Variants in PCDH15 observed in about 807,000 individuals in gnomAD.
The protein encoded by PCDH15 is protocadherin-15.
Under a neutral mutation model 178.5 loss-of-function variants are expected in PCDH15, and 129 were observed. The ratio of observed to expected loss-of-function variants is 0.72; its 90% CI spans 0.63 to 0.84. The LOEUF (loss-of-function observed/expected upper bound fraction) is 0.84. Among genes scored for constraint, PCDH15 ranks in the 40% least tolerant of loss-of-function variants. The pLI, the probability that PCDH15 is intolerant of heterozygous loss-of-function variation, is 0.00. For synonymous variants in PCDH15, 800 were observed against 732.0 expected (o/e 1.09, Z -1.50); for missense variants, 2,230 against 2,099.9 (o/e 1.06, Z -1.21).
intron 1 of PCDH15, among the ~76,000 whole-genome samples, chr10:54,749,450 CA>C (rs1945903567): frequency 1.3e-5 from 2 of 152,208 alleles, no homozygotes; most frequent in East Asian, 1.9e-4. Flanking sequence ...GTAGAAGCCA[CA>C]AGAAGATAAT....
intron 1 of PCDH15, among the ~76,000 whole-genome samples, chr10:55,210,618 C>CTTTTTTT (rs11412877): frequency 0.027 from 1,080 of 40,356 alleles, 111 homozygotes; most frequent in Non-Finnish European, 0.034. Flanking sequence ...TTTTTCTTTT[C>CTTTTTTT]TTTTTTTTTT....
At chr10:55,194,715 A>G (rs571260439) in intron 1 of PCDH15, among the ~76,000 whole-genome samples, 1 of 152,222 alleles carries the variant, frequency 6.6e-6, no homozygotes, top group South Asian at 2.1e-4. Flanking sequence ...CTAGACATAT[A>G]CCAAATAACT....
intron 3 of PCDH15, among the ~76,000 whole-genome samples, chr10:54,514,992 G>A (rs2082065856): frequency 6.6e-6 from 1 of 152,198 alleles, no homozygotes; most frequent in Non-Finnish European, 1.5e-5. Context: ...TCACTTGGGG[G>A]ATGGAGCCAA....
chr10:54,162,487 T>A lies in PCDH15; in HGVS notation c.1591-9194A>T, dbSNP rs139016622. On this transcript the variant is annotated intron_variant, in intron 13 of 37. Transcript: ENST00000644397. ...TAGAAGAGAAGGTGAAATTGTGGAATATAGAATGGAGAGCACACAAACAAA... is the reference window on the plus strand; with the variant it reads ...TAGAAGAGAAGGTGAAATTGTGGAAAATAGAATGGAGAGCACACAAACAAA... Among the ~76,000 whole-genome samples the A allele has an allele frequency of 2.3e-3, 357 of 152,294 alleles. 1 individual carries two copies. Among genetic ancestry groups the A allele is most frequent in the African/African-American group, 8.2e-3 (342 of 41,574 alleles).
chr10:55,590,868 AG>A (rs1454215315), intron 2 of PCDH15, among the ~76,000 whole-genome samples: 6 of 152,166 alleles, frequency 3.9e-5, no homozygotes, highest in Non-Finnish European at 8.8e-5. Context: ...TGTTATACAT[AG>A]AAGTAAGCAA....
chr10:55,111,582 G>T (rs192109992), intron 2 of PCDH15, among the ~76,000 whole-genome samples: 5 of 151,998 alleles, frequency 3.3e-5, no homozygotes, highest in Admixed American at 1.3e-4. Context: ...AGTGGCTCAC[G>T]CCTGTAATCC....
At chr10:54,143,726 G>A (rs1816915351) in intron 14 of PCDH15, among the ~76,000 whole-genome samples, 1 of 151,976 alleles carries the variant, frequency 6.6e-6, no homozygotes, top group African/African-American at 2.4e-5. Flanking sequence ...CTACTTATAA[G>A]CTTTAAGTTA....
At chr10:54,326,146 T>G (rs924281075) in intron 7 of PCDH15, among the ~76,000 whole-genome samples, 1 of 152,086 alleles carries the variant, frequency 6.6e-6, no homozygotes, top group South Asian at 2.1e-4. Context: ...AAATGTGAGA[T>G]CACTGAACTC....
At chr10:54,936,083 C>G (rs960357162) in intron 2 of PCDH15, among the ~76,000 whole-genome samples, 3 of 152,010 alleles carry the variant, frequency 2.0e-5, no homozygotes, top group Admixed American at 1.3e-4. Flanking sequence ...CACAGATTGA[C>G]TTTGGGTCTC....
At chr10:54,356,589 C>T (rs1360277786) in intron 5 of PCDH15, among the ~76,000 whole-genome samples, 2 of 151,208 alleles carry the variant, frequency 1.3e-5, no homozygotes, top group Non-Finnish European at 2.9e-5. Context: ...ATTTATCATA[C>T]ACACAAAAAT....
At chr10:54,773,749 G>T (rs1418395398) in intron 1 of PCDH15, among the ~76,000 whole-genome samples, 2 of 151,916 alleles carry the variant, frequency 1.3e-5, no homozygotes, top group Admixed American at 6.6e-5. Context: ...TTTTAAAAGA[G>T]TTCTTATTGA....
intron 2 of PCDH15, among the ~76,000 whole-genome samples, chr10:55,042,066 C>T (rs1173665167): frequency 6.6e-6 from 1 of 152,092 alleles, no homozygotes; most frequent in African/African-American, 2.4e-5. Flanking sequence ...AGAGTTAGCA[C>T]AGCCAGTGTG....
chr10:53,970,953 T>C (rs2089620524), intron 21 of PCDH15, among the ~76,000 whole-genome samples: 2 of 152,112 alleles, frequency 1.3e-5, no homozygotes, highest in African/African-American at 2.4e-5. Flanking sequence ...GTCAGCATCA[T>C]CCTGATACTA....
intron 8 of PCDH15, among the ~76,000 whole-genome samples, chr10:54,296,815 C>G (rs1383498695): frequency 6.6e-6 from 1 of 152,158 alleles, no homozygotes; most frequent in Non-Finnish European, 1.5e-5. Context: ...ACTCTTCCAA[C>G]CCTGGAGATC....
At chr10:53,898,890 T>C (rs1474045829) in intron 26 of PCDH15, among the ~76,000 whole-genome samples, 1 of 152,134 alleles carries the variant, frequency 6.6e-6, no homozygotes, top group African/African-American at 2.4e-5. Context: ...TCTGTTAAAG[T>C]GTGAGGTAGG....
chr10:55,140,641 T>G (rs1838325659), intron 2 of PCDH15, among the ~76,000 whole-genome samples: 1 of 152,118 alleles, frequency 6.6e-6, no homozygotes, highest in East Asian at 1.9e-4. Context: ...TTAAATGAAA[T>G]TGTGCTCTCT....
chr10:53,933,152 C>G (rs1014089123), intron 25 of PCDH15, among the ~76,000 whole-genome samples: 4 of 151,810 alleles, frequency 2.6e-5, no homozygotes. Flanking sequence ...ATTACCCAGT[C>G]TCAGGTATTT....
At chr10:55,371,179 G>A (rs1276922831) in intron 2 of PCDH15, among the ~76,000 whole-genome samples, 1 of 152,016 alleles carries the variant, frequency 6.6e-6, no homozygotes, top group Non-Finnish European at 1.5e-5. Context: ...TAGATTAAAA[G>A]GATGAGAAAT....
intron 2 of PCDH15, among the ~76,000 whole-genome samples, chr10:55,385,363 A>G (rs889538747): frequency 3.3e-5 from 5 of 151,984 alleles, no homozygotes; most frequent in African/African-American, 1.2e-4. Flanking sequence ...TAGTTCAGCC[A>G]TTTCAGTCTA....
Sources: gnomAD v4.1 joint callset for allele counts (sites outside exome capture counted in the v4.1 genomes callset) on GRCh38, gnomAD v4.1.1 for gene constraint, MANE v1.5 for transcripts, NCBI Gene and HGNC (gene_info 2026-07-23, HGNC 2026-07-21) for gene names.